The following NAP1L4 variants were observed in gnomAD, a reference collection of about 807,000 sequenced individuals.
The protein encoded by NAP1L4 is nucleosome assembly protein 1 like 4, also known as nucleosome assembly protein 1-like 4.
In NAP1L4, 15 loss-of-function variants were observed where a neutral mutation model predicts 58.2. The ratio of observed to expected loss-of-function variants is 0.26; its 90% confidence interval spans 0.17 to 0.40. The LOEUF is 0.40. Among genes scored for constraint, NAP1L4 ranks in the 10% least tolerant of loss-of-function variants. The probability of loss-of-function intolerance (pLI) is 1.00; values close to 1 mark genes in which losing one functional copy is unlikely to be tolerated. For synonymous variants in NAP1L4, 171 were observed against 155.6 expected, an observed-to-expected ratio of 1.10 and a Z score of -0.74; for missense variants, 384 against 451.1, an observed-to-expected ratio of 0.85 and a Z score of 1.35.
chr11:2,955,482 G>A lies in NAP1L4; in HGVS notation c.915+262C>T, dbSNP rs543159205. On this transcript the variant is annotated intron_variant, in intron 11 of 15. Transcript: ENST00000380542. This position sits in a 1 kb window ranked among gnomAD's most constrained non-coding sequence, Gnocchi z 4.2. The stretch of plus-strand genomic sequence containing the variant: ...TGGCCTCCCACAGTGCTGGTATTAC[G>A]GGCGTGAACCACCATGTTCGGCTGG... Among the ~76,000 whole-genome samples, 49 of 151,876 alleles carry A rather than the reference G, an allele frequency of 3.2e-4. No homozygotes were observed. The highest frequency in any genetic ancestry group is 1.2e-3 in the African/African-American group (48 of 41,384).
intron 1 of NAP1L4, among the ~76,000 whole-genome samples, chr11:2,980,401 G>GT (rs1848234178): frequency 6.6e-6 from 1 of 152,120 alleles, no homozygotes; most frequent in Non-Finnish European, 1.5e-5. Context: ...CCCAGGCTGA[G>GT]TCCCAAACTC....
Position 2,948,796 on chromosome 11 carries a change from A to G in NAP1L4, c.*32+431T>C, listed in dbSNP as rs1846071823. On this transcript the variant is annotated intron_variant, in intron 15 of 15. Coordinates refer to ENST00000380542, the MANE Select transcript of NAP1L4 (RefSeq NM_005969.4). This position sits in a 1 kb window ranked among gnomAD's most constrained non-coding sequence, Gnocchi z 5.1. The stretch of plus-strand genomic sequence containing the variant: ...TTCAAAAAGTATAGATATTCAACAG[A>G]CACGTGTTGGTAATGACAGTGGGCC... Among the ~76,000 whole-genome samples, 1 of 152,136 alleles carries G rather than the reference A, an allele frequency of 6.6e-6. No homozygotes were observed. The highest frequency in any genetic ancestry group is 2.4e-5 in the African/African-American group (1 of 41,372).
At chr11:2,988,579 G>C (rs141550442) in intron 1 of NAP1L4, among the ~76,000 whole-genome samples, 46 of 152,282 alleles carry the variant, frequency 3.0e-4, no homozygotes, top group African/African-American at 1.1e-3. Flanking sequence ...GAGTAAACAA[G>C]TACTATTTTA....
At chr11:2,952,800 G>A (rs886432501) in intron 12 of NAP1L4, 1 of 152,252 alleles carries the variant, frequency 6.6e-6, no homozygotes, top group Non-Finnish European at 1.5e-5. Context: ...TGCCCTTAAG[G>A]GGCTGTGCAC....
chr11:2,964,212 G>GT (rs2133947499), intron 8 of NAP1L4, among the ~76,000 whole-genome samples: 1 of 151,048 alleles, frequency 6.6e-6, no homozygotes, highest in South Asian at 2.1e-4. Context: ...CTTTTTAAAC[G>GT]TTAAACATAT....
At chr11:2,991,317 T>C (rs1230636124) in intron 1 of NAP1L4, 1 of 317,898 alleles carries the variant, frequency 3.1e-6, no homozygotes, top group African/African-American at 2.2e-5. Flanking sequence ...CGGAAAGCAT[T>C]CAGAAGGGGA....
intron 7 of NAP1L4, 82 bp downstream of exon 7, chr11:2,969,721 G>A: frequency 6.8e-7 from 1 of 1,481,156 alleles, no homozygotes; most frequent in Non-Finnish European, 9.1e-7. Flanking sequence ...TCAATGCCCA[G>A]TGTAGTGCTT....
In NAP1L4 at chr11:2,971,518, G is replaced by A. The variant is rs200092825; in HGVS notation, c.332C>T (p.Thr111Ile). ...PLFDKRREFI[T>I]GDVEPTDAES... ...CGCATCTGTTGGTTCAACATCGCCG[G>A]TGATAAATTCTCTTCTCTACATAAA... Residue 111 changes from threonine to isoleucine, a missense_variant, in exon 6 of 16, where the codon ACC becomes ATC. Around this residue, in one of 3 missense-constraint regions of NAP1L4, gnomAD observed 296 missense variants for 360.8 expected, o/e 0.82. Coordinates refer to ENST00000380542, the MANE Select transcript of NAP1L4 (RefSeq NM_005969.4). This position sits in a 1 kb window ranked among gnomAD's most constrained non-coding sequence, Gnocchi z 4.2. The A allele has an allele frequency of 2.4e-4, 381 of 1,613,372 alleles. No homozygotes were observed. Among genetic ancestry groups the A allele is most frequent in the Non-Finnish European group, 3.1e-4 (363 of 1,179,944 alleles).
In NAP1L4 at chr11:2,971,498, C is replaced by G; in HGVS notation, c.352G>C (p.Asp118His). ...TCACTGTGCCATTCCGATTCCGCATCTGTTGGTTCAACATCGCCGGTGATA... is the reference window on the plus strand; with the variant it reads ...TCACTGTGCCATTCCGATTCCGCATGTGTTGGTTCAACATCGCCGGTGATA... ...EFITGDVEPT[D>H]AESEWHSENE... Residue 118 changes from aspartate (D) to histidine (H), a missense_variant, in exon 6 of 16, where the codon GAT becomes CAT. Around this residue, in one of 3 missense-constraint regions of NAP1L4, gnomAD observed 296 missense variants for 360.8 expected, o/e 0.82. Transcript: ENST00000380542. The surrounding 1 kb of genome is among the most constrained non-coding windows in gnomAD (Gnocchi z 4.2). 3 of 1,613,918 alleles carry G rather than the reference C, an allele frequency of 1.9e-6. No homozygotes were observed. Among genetic ancestry groups the G allele is most frequent in the Non-Finnish European group, 2.5e-6 (3 of 1,180,018 alleles).
chr11:2,960,070 G>A, intron 8 of NAP1L4, 161 bp from the exon 9 acceptor site: 1 of 720,242 alleles, frequency 1.4e-6, no homozygotes, highest in Non-Finnish European at 2.2e-6. Flanking sequence ...ACTAGCGTGA[G>A]GTTAAAAAAA....
At chr11:2,990,054 C>A (rs1848862288) in intron 1 of NAP1L4, 1 of 152,160 alleles carries the variant, frequency 6.6e-6, no homozygotes, top group African/African-American at 2.4e-5. Flanking sequence ...CCAATTTCTC[C>A]AATGACTACT....
rs1203225118 is a variant in NAP1L4 at position 2,955,364 on chromosome 11, T to A, written c.915+380A>T. Among the ~76,000 whole-genome samples, 2 of 147,106 alleles carry A rather than the reference T, an allele frequency of 1.4e-5. No individual in the cohort carries two copies. Among genetic ancestry groups the A allele is most frequent in the East Asian group, 3.9e-4 (2 of 5,122 alleles). On this transcript the variant is annotated intron_variant, in intron 11 of 15. Transcript: ENST00000380542. The surrounding 1 kb of genome is among the most constrained non-coding windows in gnomAD (Gnocchi z 4.2). ...GGCGCTGCCACCGTGTCCAACTAATTTTTTTTTTTTTTGGTATTTTAAGCA... is the reference window on the plus strand; with the variant it reads ...GGCGCTGCCACCGTGTCCAACTAATATTTTTTTTTTTTGGTATTTTAAGCA...
intron 1 of NAP1L4, chr11:2,991,363 A>T (rs1416062828): frequency 7.2e-6 from 2 of 279,278 alleles, no homozygotes; most frequent in Non-Finnish European, 1.5e-5. Context: ...TCAGGTCAAA[A>T]AATACAAATG....
chr11:2,963,821 T>G (rs962806164), intron 8 of NAP1L4: 4 of 519,162 alleles, frequency 7.7e-6, no homozygotes, highest in Non-Finnish European at 1.5e-5. Flanking sequence ...CAGTCATGTG[T>G]CGCTGGAAAT....
At chr11:2,950,422 T>G (rs1245314084) in intron 14 of NAP1L4, among the ~76,000 whole-genome samples, 1 of 152,204 alleles carries the variant, frequency 6.6e-6, no homozygotes, top group Non-Finnish European at 1.5e-5. Context: ...ACTGACAGCT[T>G]TTAGTGCACA....
chr11:2,951,227 AAGT>A lies in NAP1L4; in HGVS notation c.1122+29_1122+31del. ...TAAAAGTCTAAGAGTGCAGCATAAT[AAGT>A]AGGTCTGGGTGGCCCCAAAGTTACC... On this transcript the variant is annotated intron_variant, in intron 14 of 15. Transcript: ENST00000380542. The surrounding 1 kb of genome is among the most constrained non-coding windows in gnomAD (Gnocchi z 4.0). 1.9e-6 allele frequency: 3 copies of A among 1,582,400 alleles called. No homozygotes were observed. Among genetic ancestry groups the A allele is most frequent in the Non-Finnish European group, 2.6e-6 (3 of 1,151,988 alleles).
At chr11:2,950,614 A>T (rs1186759955) in intron 14 of NAP1L4, among the ~76,000 whole-genome samples, 1 of 152,240 alleles carries the variant, frequency 6.6e-6, no homozygotes, top group Non-Finnish European at 1.5e-5. Flanking sequence ...GATGACATTT[A>T]AGCACTTCTG....
At chr11:2,947,670 T>C (rs982447228) in intron 15 of NAP1L4, among the ~76,000 whole-genome samples, 4 of 151,716 alleles carry the variant, frequency 2.6e-5, no homozygotes, top group African/African-American at 7.3e-5. Context: ...CTTTATCTCA[T>C]GTCACAAATT....
chr11:2,971,488 G>A lies in NAP1L4; in HGVS notation c.362C>T (p.Ser121Leu), dbSNP rs552540106. Residue 121 changes from serine (S) to leucine (L), a missense_variant, in exon 6 of 16, where the codon TCG (serine) becomes TTG (leucine). This residue lies in a region of NAP1L4 where 296 missense variants were observed against 360.8 expected (regional missense o/e 0.82). Transcript: ENST00000380542. The surrounding 1 kb of genome is among the most constrained non-coding windows in gnomAD (Gnocchi z 4.2). ...CTCTTCATTTTCACTGTGCCATTCC[G>A]ATTCCGCATCTGTTGGTTCAACATC... ...TGDVEPTDAE[S>L]EWHSENEEEE... 37 of 1,613,634 alleles carry A rather than the reference G, an allele frequency of 2.3e-5. No individual in the cohort carries two copies. The highest frequency in any genetic ancestry group is 4.5e-5 in the East Asian group (2 of 44,884).
Sources: allele counts gnomAD v4.1 joint callset (sites outside exome capture counted in the v4.1 genomes callset), GRCh38; gene constraint gnomAD v4.1.1; regional missense constraint gnomAD v4.1.1; non-coding constraint Gnocchi (gnomAD v3.1); transcripts MANE v1.5; gene names NCBI Gene and HGNC (gene_info 2026-07-23, HGNC 2026-07-21).